Variants in TMEM236 observed in about 807,000 individuals in gnomAD.
TMEM236 encodes transmembrane protein 236.
Under a neutral mutation model 14.7 loss-of-function variants are expected in TMEM236, and 11 were observed. The ratio of observed to expected loss-of-function variants is 0.75; its 90% confidence interval spans 0.47 to 1.24. The LOEUF (loss-of-function observed/expected upper bound fraction) is 1.24. Among genes scored for constraint, TMEM236 ranks in the 50% most tolerant of loss-of-function variants. TMEM236 has a pLI of 0.00. For synonymous variants in TMEM236, 182 were observed against 168.6 expected, an observed-to-expected ratio of 1.08 and a Z score of -0.62; for missense variants, 464 against 427.3, an observed-to-expected ratio of 1.09 and a Z score of -0.76.
At chr10:17,755,378 G>A (rs1313402227) in intron 1 of TMEM236, among the ~76,000 whole-genome samples, 1 of 152,182 alleles carries the variant, frequency 6.6e-6, no homozygotes. Context: ...AAATACCATT[G>A]CTGAGGTTGG....
At chr10:17,777,571 G>T (rs977833959) in intron 3 of TMEM236, among the ~76,000 whole-genome samples, 7 of 152,082 alleles carry the variant, frequency 4.6e-5, no homozygotes, top group Non-Finnish European at 1.0e-4. Flanking sequence ...TGGGATTCTA[G>T]CTGTGCACGG....
At position 17,760,236 on chromosome 10, in the gene TMEM236, G is replaced by A. The variant is rs1837341249; in HGVS notation, c.257+7684G>A. ...TCAGAACACTCCAGTTTCTCTTAGTGAATCTGTTATCTACCATGTTTAACA... is the reference window on the plus strand; with the variant it reads ...TCAGAACACTCCAGTTTCTCTTAGTAAATCTGTTATCTACCATGTTTAACA... On this transcript the variant is annotated intron_variant, in intron 1 of 3. Transcript: ENST00000377495. Among the ~76,000 whole-genome samples the A allele has an allele frequency of 3.9e-5, 6 of 152,158 alleles. No homozygotes were observed. The South Asian group carries it at 1.2e-3, about 32-fold the overall frequency.
At position 17,768,011 on chromosome 10, in the gene TMEM236, A is replaced by G. The variant is rs528525794; in HGVS notation, c.258-3298A>G. Reference sequence around the variant, plus strand: ...TGCAACCTCTGCCTCCTGGGGTTCAAGAGATTCTCCTGCCTCAGCCTCCCA... The same window carrying G: ...TGCAACCTCTGCCTCCTGGGGTTCAGGAGATTCTCCTGCCTCAGCCTCCCA... On this transcript the variant is annotated intron_variant, in intron 1 of 3. Coordinates refer to ENST00000377495, the MANE Select transcript of TMEM236 (RefSeq NM_001098844.3). 3.9e-3 allele frequency among the ~76,000 whole-genome samples: 592 copies of G among 151,094 alleles called. 4 individuals are homozygous for G. The highest frequency in any genetic ancestry group is 0.014 in the African/African-American group (560 of 40,998).
chr10:17,785,266 T>C (rs1837815537), intron 3 of TMEM236, among the ~76,000 whole-genome samples: 1 of 152,208 alleles, frequency 6.6e-6, no homozygotes, highest in Non-Finnish European at 1.5e-5. Flanking sequence ...GTCTTCACTA[T>C]ACATATGCAT....
chr10:17,761,693 C>CAAA (rs1297497582), intron 1 of TMEM236, among the ~76,000 whole-genome samples: 5 of 114,056 alleles, frequency 4.4e-5, no homozygotes, highest in Admixed American at 9.6e-5. Context: ...GACTATGTCT[C>CAAA]AAAAAAAAAA....
intron 3 of TMEM236, among the ~76,000 whole-genome samples, chr10:17,783,309 G>A (rs1242869733): frequency 6.6e-6 from 1 of 152,166 alleles, no homozygotes; most frequent in Non-Finnish European, 1.5e-5. Context: ...TGTACTGTGC[G>A]GTGTGGCAAG....
chr10:17,752,648 C>T (rs1331032450), intron 1 of TMEM236, 96 bp downstream of exon 1: 33 of 1,232,144 alleles, frequency 2.7e-5, no homozygotes, highest in South Asian at 3.7e-5. Context: ...CTCACTGCAA[C>T]GTCCGCCTCC....
intron 1 of TMEM236, among the ~76,000 whole-genome samples, chr10:17,768,062 C>T (rs994633173): frequency 5.6e-5 from 8 of 143,770 alleles, no homozygotes; most frequent in Non-Finnish European, 1.0e-4. Flanking sequence ...AGGTACACAC[C>T]ACCACACCTC....
intron 1 of TMEM236, among the ~76,000 whole-genome samples, chr10:17,759,532 T>A (rs1554833803): frequency 6.6e-6 from 1 of 152,210 alleles, no homozygotes; most frequent in Non-Finnish European, 1.5e-5. Flanking sequence ...CTGCTTTAGG[T>A]AACGGTGGTG....
chr10:17,796,330 C>T lies in TMEM236; in HGVS notation c.882C>T (p.Val294=), dbSNP rs1345502905. The part of the protein sequence containing the change: ...PQNPLLNSLS[V]LLQDLPFVFV... ...ACCCTCTTCTCAATTCCCTGAGCGT[C>T]CTGCTGCAAGATTTACCATTCGTTT... Residue 294 remains valine (V), a synonymous_variant, in exon 4 of 4, where the codon GTC becomes GTT. Transcript: ENST00000377495. 6 of 1,613,842 alleles carry T rather than the reference C, an allele frequency of 3.7e-6. No individual in the cohort carries two copies. The East Asian group carries it at 6.7e-5, about 18-fold the overall frequency.
rs1191227662 is a variant in TMEM236, at chr10:17,796,859, T to C, written c.*355T>C. The C allele has an allele frequency of 3.4e-6, 1 of 297,380 alleles. No individual in the cohort carries two copies. Among genetic ancestry groups the C allele is most frequent in the African/African-American group, 2.2e-5 (1 of 44,684 alleles). The allele number at this position is 297,380 out of a possible 1,614,324, so 18.4% of individuals were successfully genotyped here. On this transcript the variant is annotated 3_prime_UTR_variant, in exon 4 of 4. Coordinates refer to ENST00000377495, the MANE Select transcript of TMEM236 (RefSeq NM_001098844.3). ...GCACAGCACGTGGTGAACCTCAAACTGAGCGTTCCCGCCTGCATTCCGCCT... is the reference window on the plus strand; with the variant it reads ...GCACAGCACGTGGTGAACCTCAAACCGAGCGTTCCCGCCTGCATTCCGCCT...
intron 3 of TMEM236, among the ~76,000 whole-genome samples, chr10:17,793,650 T>A (rs1055895906): frequency 2.0e-5 from 3 of 151,688 alleles, no homozygotes; most frequent in African/African-American, 7.2e-5. Flanking sequence ...CTCCCAGCTA[T>A]TTTTTTTGTA....
chr10:17,784,415 G>C (rs1837801382), intron 3 of TMEM236, among the ~76,000 whole-genome samples: 1 of 152,150 alleles, frequency 6.6e-6, no homozygotes, highest in Non-Finnish European at 1.5e-5. Flanking sequence ...GCCAAGCACA[G>C]CTGCCCCAGA....
intron 1 of TMEM236, among the ~76,000 whole-genome samples, chr10:17,770,426 C>T (rs1409110970): frequency 2.0e-5 from 3 of 152,066 alleles, no homozygotes; most frequent in Non-Finnish European, 1.5e-5. Context: ...CTCTGTCGCC[C>T]AGGCTGGAGT....
chr10:17,763,987 T>G (rs1837418849), intron 1 of TMEM236, among the ~76,000 whole-genome samples: 2 of 152,300 alleles, frequency 1.3e-5, no homozygotes, highest in Non-Finnish European at 2.9e-5. Flanking sequence ...TTATTTCCTG[T>G]AGCGCTTAGC....
At chr10:17,785,734 G>A (rs1443650368) in intron 3 of TMEM236, among the ~76,000 whole-genome samples, 8 of 152,030 alleles carry the variant, frequency 5.3e-5, no homozygotes, top group African/African-American at 1.2e-4. Context: ...CACTGTGTCC[G>A]GGGACCAACC....
Position 17,790,935 on chromosome 10 carries a change from C to T in TMEM236, c.473-4986C>T, listed in dbSNP as rs1473718781. Among the ~76,000 whole-genome samples the T allele has an allele frequency of 2.0e-5, 3 of 152,306 alleles. No individual in the cohort carries two copies. The East Asian group carries it at 5.8e-4, about 29-fold the overall frequency. ...CTTCATTCTACTGCCTCACATTCGC[C>T]TCTAAGTTGCTACTTTTGCAACAAC... On this transcript the variant is annotated intron_variant, in intron 3 of 3. Transcript: ENST00000377495.
chr10:17,761,773 T>A (rs989554218), intron 1 of TMEM236, among the ~76,000 whole-genome samples: 198 of 152,198 alleles, frequency 1.3e-3, no homozygotes, highest in Middle Eastern at 6.8e-3. Context: ...CCCTTGCTTG[T>A]AAATCAAATA....
intron 3 of TMEM236, among the ~76,000 whole-genome samples, chr10:17,791,163 A>G (rs1178023181): frequency 2.0e-5 from 3 of 152,078 alleles, no homozygotes; most frequent in Non-Finnish European, 4.4e-5. Context: ...ATGGGAAAAT[A>G]GGCTGCATGC....
Sources: gnomAD v4.1 joint callset for allele counts (sites outside exome capture counted in the v4.1 genomes callset) on GRCh38, gnomAD v4.1.1 for gene constraint, MANE v1.5 for transcripts, NCBI Gene and HGNC (gene_info 2026-07-23, HGNC 2026-07-21) for gene names.